Variants in ARL14EPL observed in about 807,000 individuals in gnomAD.
ARL14EPL encodes ARF like GTPase 14 effector protein like, also known as ARL14 effector protein-like.
Under a neutral mutation model 15.9 loss-of-function variants are expected in ARL14EPL, and 17 were observed. The observed-to-expected ratio is 1.07, with a 90% confidence interval of 0.73 to 1.60. ARL14EPL has a LOEUF of 1.60. Among genes scored for constraint, ARL14EPL ranks in the 40% most tolerant of loss-of-function variants. ARL14EPL has a pLI of 0.00. For missense variants in ARL14EPL, 214 were observed against 185.9 expected (o/e 1.15, Z -0.88); for synonymous variants, 78 against 63.8 (o/e 1.22, Z -1.06).
chr5:116,052,046 C>G, intron 2 of ARL14EPL: 3 of 1,612,346 alleles, frequency 1.9e-6, no homozygotes, highest in Non-Finnish European at 2.5e-6. Flanking sequence ...GGCCAGGGAG[C>G]CTCGAATCTT....
At chr5:116,055,279 A>G (rs1215171445) in intron 3 of ARL14EPL, among the ~76,000 whole-genome samples, 1 of 152,234 alleles carries the variant, frequency 6.6e-6, no homozygotes, top group African/African-American at 2.4e-5. Flanking sequence ...TATGTGCCTT[A>G]TGACCTAACA....
intron 1 of ARL14EPL, among the ~76,000 whole-genome samples, chr5:116,035,348 C>G (rs139209841): frequency 1.6e-3 from 240 of 152,298 alleles, no homozygotes; most frequent in African/African-American, 5.5e-3. Flanking sequence ...AGTGATTGCT[C>G]ATTAATCGTG....
chr5:116,050,519 G>C (rs1297530246), intron 1 of ARL14EPL, among the ~76,000 whole-genome samples: 1 of 152,128 alleles, frequency 6.6e-6, no homozygotes. Flanking sequence ...AGAGCAGTTT[G>C]GAGATTTCCC....
intron 1 of ARL14EPL, among the ~76,000 whole-genome samples, chr5:116,039,598 A>T (rs981157864): frequency 6.6e-6 from 1 of 152,184 alleles, no homozygotes; most frequent in African/African-American, 2.4e-5. Context: ...AGGGGAAAAA[A>T]AGAATGAAAA....
chr5:116,058,064 T>C (rs1749561361), intron 3 of ARL14EPL, among the ~76,000 whole-genome samples: 1 of 152,246 alleles, frequency 6.6e-6, no homozygotes, highest in African/African-American at 2.4e-5. Context: ...GGCTCTCCTC[T>C]GGGACAGAGC....
intron 1 of ARL14EPL, among the ~76,000 whole-genome samples, chr5:116,046,277 C>A (rs1749266023): frequency 6.6e-6 from 1 of 152,146 alleles, no homozygotes; most frequent in African/African-American, 2.4e-5. Flanking sequence ...CAGAGACCAA[C>A]TTTTAGGCTA....
At chr5:116,037,119 C>A (rs932802626) in intron 1 of ARL14EPL, among the ~76,000 whole-genome samples, 1 of 152,110 alleles carries the variant, frequency 6.6e-6, no homozygotes, top group Admixed American at 6.5e-5. Context: ...ATGTCAGGTA[C>A]AAGGGGTGGA....
intron 1 of ARL14EPL, among the ~76,000 whole-genome samples, chr5:116,032,796 T>A (rs1208656069): frequency 6.6e-6 from 1 of 151,884 alleles, no homozygotes; most frequent in East Asian, 1.9e-4. Flanking sequence ...GTTGTGGTGG[T>A]TTTTGTTTTT....
At chr5:116,040,468 AG>A (rs1201639736) in intron 1 of ARL14EPL, among the ~76,000 whole-genome samples, 1 of 151,854 alleles carries the variant, frequency 6.6e-6, no homozygotes, top group Admixed American at 6.6e-5. Context: ...TTTCTGGAAA[AG>A]AGAATAAAGG....
intron 1 of ARL14EPL, among the ~76,000 whole-genome samples, chr5:116,033,704 A>T (rs144194075): frequency 3.3e-5 from 5 of 152,336 alleles, no homozygotes; most frequent in African/African-American, 1.2e-4. Flanking sequence ...CAAGATTTTC[A>T]AAATAATAAG....
In ARL14EPL at chr5:116,048,926, G is replaced by C. The variant is rs142420640; in HGVS notation, c.-9-2531G>C. ...ATTAAATGAATTATGATGTCTGGGA[G>C]GGGGAGATAATACAATGTTTCTCAT... On this transcript the variant is annotated intron_variant, in intron 1 of 3. Transcript: ENST00000686077. 8.7e-4 allele frequency among the ~76,000 whole-genome samples: 133 copies of C among 152,294 alleles called. 1 individual carries two copies. The highest frequency in any genetic ancestry group is 6.8e-3 in the Middle Eastern group (2 of 294).
At chr5:116,050,860 C>A (rs74915470) in intron 1 of ARL14EPL, among the ~76,000 whole-genome samples, 13 of 149,644 alleles carry the variant, frequency 8.7e-5, no homozygotes, top group Non-Finnish European at 1.6e-4. Flanking sequence ...CACACACAGA[C>A]GCACGCACCC....
At chr5:116,044,070 A>G (rs910637418) in intron 1 of ARL14EPL, among the ~76,000 whole-genome samples, 3 of 152,212 alleles carry the variant, frequency 2.0e-5, no homozygotes, top group African/African-American at 7.2e-5. Context: ...TGTAATCTCA[A>G]AAATATAGCA....
chr5:116,057,756 C>T (rs114378239), intron 3 of ARL14EPL, among the ~76,000 whole-genome samples: 247 of 152,206 alleles, frequency 1.6e-3, no homozygotes, highest in African/African-American at 4.4e-3. Context: ...CAGGATGGAA[C>T]GATATTACTT....
intron 1 of ARL14EPL, among the ~76,000 whole-genome samples, chr5:116,050,627 A>T (rs1254689439): frequency 6.6e-6 from 1 of 152,186 alleles, no homozygotes; most frequent in African/African-American, 2.4e-5. Flanking sequence ...ACTTCAGTAG[A>T]AATGGCACCC....
chr5:116,054,016 A>G lies in ARL14EPL; in HGVS notation c.99A>G (p.Gln33=). The change falls in exon 3 of 4, where the codon CAA becomes CAG. Residue 33 remains glutamine, a splice_region_variant and synonymous_variant. Coordinates refer to ENST00000686077, the MANE Select transcript of ARL14EPL (RefSeq NM_001195581.2). ...TAATACATTTATTTGTTTAATAGCAACAAATAGAGCGGCAGTTAAAATGCT... is the reference window on the plus strand; with the variant it reads ...TAATACATTTATTTGTTTAATAGCAGCAAATAGAGCGGCAGTTAAAATGCT... ...KNCQIGQKQL[Q]QIERQLKCLA... is the part of the protein sequence containing the mutation. 6.5e-7 allele frequency: 1 copy of G among 1,532,616 alleles called. No individual in the cohort carries two copies. Among genetic ancestry groups the G allele is most frequent in the Admixed American group, 2.0e-5 (1 of 50,258 alleles). 94.9% of individuals were successfully genotyped at this position (1,532,616 alleles called of 1,614,324 possible).
intron 1 of ARL14EPL, among the ~76,000 whole-genome samples, chr5:116,033,125 A>C (rs925142219): frequency 6.6e-6 from 1 of 151,826 alleles, no homozygotes; most frequent in South Asian, 2.1e-4. Flanking sequence ...TAATTGTTAC[A>C]CTCTAGTAGA....
chr5:116,037,730 C>T lies in ARL14EPL; in HGVS notation c.-10+5225C>T, dbSNP rs1281109338. Among the ~76,000 whole-genome samples, 4 of 152,050 alleles carry T rather than the reference C, an allele frequency of 2.6e-5. No homozygotes were observed. In the East Asian group the frequency reaches 7.7e-4, roughly 29 times the overall value. Reference sequence around the variant, plus strand: ...AACTTTAAAAATTGTGAAATACATGCTTATTACAGGAAATGGGTAAATATA... The same window carrying T: ...AACTTTAAAAATTGTGAAATACATGTTTATTACAGGAAATGGGTAAATATA... On this transcript the variant is annotated intron_variant, in intron 1 of 3. Coordinates refer to ENST00000686077, the MANE Select transcript of ARL14EPL (RefSeq NM_001195581.2).
At chr5:116,042,486 G>A (rs1298742503) in intron 1 of ARL14EPL, among the ~76,000 whole-genome samples, 1 of 152,162 alleles carries the variant, frequency 6.6e-6, no homozygotes, top group Non-Finnish European at 1.5e-5. Flanking sequence ...CCACTAGAAA[G>A]TGTACCTTTT....
Sources: gnomAD v4.1 joint callset for allele counts (sites outside exome capture counted in the v4.1 genomes callset) on GRCh38, gnomAD v4.1.1 for gene constraint, MANE v1.5 for transcripts, NCBI Gene and HGNC (gene_info 2026-07-23, HGNC 2026-07-21) for gene names.